DSCAM: variants seen among roughly 807,000 people sequenced by gnomAD.
DSCAM encodes DS cell adhesion molecule.
In DSCAM, 47 loss-of-function variants were observed where a neutral mutation model predicts 217.7. The ratio of observed to expected loss-of-function variants is 0.22; its 90% confidence interval spans 0.17 to 0.28. The LOEUF is 0.28. DSCAM is among the 10% of genes least tolerant of loss of function. DSCAM has a pLI of 1.00. For missense variants in DSCAM, 2,080 were observed against 2,618.3 expected (o/e 0.79, Z 4.49); for synonymous variants, 1,056 against 1,015.3 (o/e 1.04, Z -0.76).
intron 20 of DSCAM, among the ~76,000 whole-genome samples, chr21:40,117,008 A>G (rs2089979354): frequency 2.0e-5 from 3 of 149,970 alleles, no homozygotes; most frequent in Non-Finnish European, 4.5e-5. Context: ...TCTCAAAAAA[A>G]AAAAAAAAAA....
chr21:40,753,246 C>T (rs1349109405), intron 1 of DSCAM, among the ~76,000 whole-genome samples: 1 of 152,152 alleles, frequency 6.6e-6, no homozygotes, highest in Non-Finnish European at 1.5e-5. Context: ...CTGTTAGTTC[C>T]CAGAAAATGA....
At chr21:40,338,994 A>G (rs2074458242) in intron 7 of DSCAM, 125 bp downstream of exon 7, 1 of 1,201,224 alleles carries the variant, frequency 8.3e-7, no homozygotes. Flanking sequence ...AGGAGAGGGT[A>G]GGAAATGGGA....
chr21:40,820,025 C>A (rs1029398631), intron 1 of DSCAM, among the ~76,000 whole-genome samples: 3 of 151,798 alleles, frequency 2.0e-5, no homozygotes, highest in Non-Finnish European at 4.4e-5. Flanking sequence ...AAATAAAGGC[C>A]CCCTGCTTGT....
At chr21:40,405,338 A>G (rs145488270) in intron 3 of DSCAM, among the ~76,000 whole-genome samples, 3 of 152,328 alleles carry the variant, frequency 2.0e-5, no homozygotes, top group African/African-American at 7.2e-5. Context: ...TGAGCAATTT[A>G]TCAAGACCTA....
At chr21:40,057,149 T>C (rs2089038354) in intron 28 of DSCAM, among the ~76,000 whole-genome samples, 1 of 152,214 alleles carries the variant, frequency 6.6e-6, no homozygotes, top group African/African-American at 2.4e-5. Flanking sequence ...TTGAACCAGA[T>C]TGCTTGCTCT....
intron 14 of DSCAM, among the ~76,000 whole-genome samples, chr21:40,182,629 GAAACCGTGGACA>G (rs1271286419): frequency 1.6e-4 from 20 of 127,238 alleles, no homozygotes; most frequent in African/African-American, 7.0e-4. Flanking sequence ...GGCCACCAGA[GAAACCGTGGACA>G]GGAGGGGGTT....
At chr21:40,191,422 T>C (rs1174727968) in intron 11 of DSCAM, among the ~76,000 whole-genome samples, 1 of 152,196 alleles carries the variant, frequency 6.6e-6, no homozygotes, top group East Asian at 1.9e-4. Flanking sequence ...TTTTCTGGCA[T>C]TTCTGAGATG....
At chr21:40,175,196 G>A (rs184746585) in intron 15 of DSCAM, among the ~76,000 whole-genome samples, 3 of 152,250 alleles carry the variant, frequency 2.0e-5, no homozygotes, top group East Asian at 3.9e-4. Flanking sequence ...TGCAACCTCC[G>A]CCTCCAGGGT....
At chr21:40,224,573 C>T (rs1384446214) in intron 11 of DSCAM, among the ~76,000 whole-genome samples, 2 of 152,166 alleles carry the variant, frequency 1.3e-5, no homozygotes, top group Non-Finnish European at 2.9e-5. Flanking sequence ...CTACTATATA[C>T]ACTAAAATTA....
At chr21:40,511,140 C>A (rs186250144) in intron 3 of DSCAM, among the ~76,000 whole-genome samples, 79 of 152,168 alleles carry the variant, frequency 5.2e-4, no homozygotes, top group African/African-American at 1.9e-3. Context: ...TTGTTTAATT[C>A]TCTTCATGGT....
At chr21:40,167,546 G>A (rs908926520) in intron 15 of DSCAM, among the ~76,000 whole-genome samples, 1 of 152,094 alleles carries the variant, frequency 6.6e-6, no homozygotes, top group Admixed American at 6.5e-5. Flanking sequence ...TGACAACCTC[G>A]TGAATCAATC....
intron 8 of DSCAM, among the ~76,000 whole-genome samples, chr21:40,315,415 A>T (rs1382999601): frequency 6.6e-6 from 1 of 151,964 alleles, no homozygotes; most frequent in Non-Finnish European, 1.5e-5. Flanking sequence ...AAAAAAAAAA[A>T]GGAAAACATA....
chr21:40,721,642 A>C (rs1012961240), intron 1 of DSCAM, among the ~76,000 whole-genome samples: 5 of 152,194 alleles, frequency 3.3e-5, no homozygotes, highest in African/African-American at 1.2e-4. Flanking sequence ...ACAAACTTTA[A>C]AAAGGCTTAA....
chr21:40,466,629 C>G (rs1225744819), intron 3 of DSCAM, among the ~76,000 whole-genome samples: 4 of 152,212 alleles, frequency 2.6e-5, no homozygotes, highest in Non-Finnish European at 5.9e-5. Flanking sequence ...TTTCTCCCTG[C>G]ACTGTCCAGG....
At chr21:40,142,390 G>A (rs992206423) in intron 18 of DSCAM, among the ~76,000 whole-genome samples, 168 bp downstream of exon 18, 11 of 152,176 alleles carry the variant, frequency 7.2e-5, no homozygotes, top group African/African-American at 2.7e-4. Flanking sequence ...TTTAAACAAA[G>A]AGACCTGTTC....
At chr21:40,349,425 C>T (rs1284930752) in intron 5 of DSCAM, among the ~76,000 whole-genome samples, 2 of 152,090 alleles carry the variant, frequency 1.3e-5, no homozygotes, top group Admixed American at 6.5e-5. Flanking sequence ...CTCATCCTCG[C>T]CTTGCTATGT....
At chr21:40,764,206 G>A (rs1218995711) in intron 1 of DSCAM, among the ~76,000 whole-genome samples, 1 of 151,680 alleles carries the variant, frequency 6.6e-6, no homozygotes, top group Non-Finnish European at 1.5e-5. Context: ...CCGACAAAGG[G>A]CTAATATCCA....
intron 1 of DSCAM, among the ~76,000 whole-genome samples, chr21:40,732,879 A>G (rs2091026691): frequency 6.6e-6 from 1 of 152,162 alleles, no homozygotes; most frequent in African/African-American, 2.4e-5. Flanking sequence ...TATTTTTTCT[A>G]CTATTTCAGA....
At chr21:40,417,759 T>A (rs1288767678) in intron 3 of DSCAM, among the ~76,000 whole-genome samples, 3 of 151,992 alleles carry the variant, frequency 2.0e-5, no homozygotes, top group African/African-American at 7.3e-5. Flanking sequence ...ACAAGAAAAA[T>A]TAAAAAATCC....
Sources: allele counts gnomAD v4.1 joint callset (sites outside exome capture counted in the v4.1 genomes callset), GRCh38; gene constraint gnomAD v4.1.1; transcripts MANE v1.5; gene names NCBI Gene and HGNC (gene_info 2026-07-23, HGNC 2026-07-21).